RETREG1: variants seen among roughly 807,000 people sequenced by gnomAD.
RETREG1 encodes the protein reticulophagy regulator 1.
Under a neutral mutation model 54.8 loss-of-function variants are expected in RETREG1, and 44 were observed. That is an observed-to-expected ratio of 0.80 (90% CI 0.63 to 1.03). RETREG1 has a LOEUF of 1.03. Ranked by LOEUF, RETREG1 falls within the 50% of genes least tolerant of loss-of-function variation. The pLI, the probability that RETREG1 is intolerant of heterozygous loss-of-function variation, is 0.00. For missense variants in RETREG1, 554 were observed against 605.1 expected, an observed-to-expected ratio of 0.92 and a Z score of 0.89; for synonymous variants, 217 against 238.5, an observed-to-expected ratio of 0.91 and a Z score of 0.83.
At chr5:16,570,719 A>C (rs886982238) in intron 2 of RETREG1, among the ~76,000 whole-genome samples, 5 of 152,194 alleles carry the variant, frequency 3.3e-5, no homozygotes, top group Non-Finnish European at 7.3e-5. Context: ...CTCTGGCATG[A>C]AACCCTGATG....
intron 1 of RETREG1, 60 bp downstream of exon 1, chr5:16,616,592 C>A: frequency 6.5e-7 from 1 of 1,537,822 alleles, no homozygotes; most frequent in South Asian, 1.2e-5. Flanking sequence ...GTCCCCGGGG[C>A]CCCGGGCGCC....
chr5:16,612,110 C>T (rs1486633676), intron 1 of RETREG1, among the ~76,000 whole-genome samples: 10 of 151,462 alleles, frequency 6.6e-5, no homozygotes, highest in African/African-American at 2.4e-4. Context: ...TAAATAACAC[C>T]ATTTATACAA....
chr5:16,582,046 A>G (rs1376839166), intron 1 of RETREG1, among the ~76,000 whole-genome samples: 2 of 152,260 alleles, frequency 1.3e-5, no homozygotes, highest in African/African-American at 2.4e-5. Flanking sequence ...CAAACATTAT[A>G]TATGACCATT....
chr5:16,545,685 C>T (rs969177830), intron 3 of RETREG1, among the ~76,000 whole-genome samples: 5 of 152,150 alleles, frequency 3.3e-5, no homozygotes, highest in Admixed American at 2.6e-4. Context: ...CTTTAAGTTG[C>T]TTCTGTTCCT....
chr5:16,586,443 A>C (rs2126332390), intron 1 of RETREG1, among the ~76,000 whole-genome samples: 1 of 152,256 alleles, frequency 6.6e-6, no homozygotes, highest in East Asian at 1.9e-4. Context: ...AAACTGCCTC[A>C]TCATCATCAG....
intron 1 of RETREG1, among the ~76,000 whole-genome samples, chr5:16,583,638 A>G (rs937177685): frequency 2.0e-5 from 3 of 152,208 alleles, no homozygotes; most frequent in Admixed American, 6.5e-5. Flanking sequence ...AATTTCCTAT[A>G]AAGCAAAGAA....
intron 1 of RETREG1, among the ~76,000 whole-genome samples, chr5:16,582,353 T>C (rs1742511567): frequency 6.6e-6 from 1 of 152,202 alleles, no homozygotes; most frequent in Admixed American, 6.5e-5. Context: ...TCGATAAATG[T>C]GTCTATTTGC....
At chr5:16,555,759 C>T (rs1375273054) in intron 3 of RETREG1, among the ~76,000 whole-genome samples, 1 of 151,974 alleles carries the variant, frequency 6.6e-6, no homozygotes, top group Non-Finnish European at 1.5e-5. Flanking sequence ...AATATGACTA[C>T]AAGTAACAAT....
At chr5:16,528,272 A>G (rs1051806296) in intron 3 of RETREG1, among the ~76,000 whole-genome samples, 3 of 152,220 alleles carry the variant, frequency 2.0e-5, no homozygotes, top group Non-Finnish European at 4.4e-5. Context: ...TGTAAATAAG[A>G]TGTGATTTTT....
chr5:16,502,238 G>A (rs1026378140), intron 3 of RETREG1, among the ~76,000 whole-genome samples: 39 of 151,688 alleles, frequency 2.6e-4, no homozygotes, highest in African/African-American at 9.4e-4. Flanking sequence ...GATTACAGGC[G>A]TGAGCCACCA....
At chr5:16,563,745 T>TA (rs1741934792) in intron 3 of RETREG1, among the ~76,000 whole-genome samples, 1 of 152,218 alleles carries the variant, frequency 6.6e-6, no homozygotes, top group South Asian at 2.1e-4. Context: ...AAATTGTTTT[T>TA]ATTGAAAAGT....
intron 1 of RETREG1, among the ~76,000 whole-genome samples, chr5:16,613,517 G>C (rs1050903287): frequency 2.0e-5 from 3 of 152,130 alleles, no homozygotes; most frequent in African/African-American, 2.4e-5. Context: ...ATTGGTTACG[G>C]CTGTGTCACA....
chr5:16,580,728 C>T (rs979742402), intron 1 of RETREG1, among the ~76,000 whole-genome samples: 4 of 152,260 alleles, frequency 2.6e-5, no homozygotes, highest in Middle Eastern at 3.4e-3. Flanking sequence ...GAGGGCAGGG[C>T]GATCGAGTAC....
At chr5:16,584,932 CAATTT>C (rs946056064) in intron 1 of RETREG1, among the ~76,000 whole-genome samples, 3 of 151,608 alleles carry the variant, frequency 2.0e-5, no homozygotes, top group African/African-American at 4.8e-5. Context: ...AAAGCAATAA[CAATTT>C]AATTGCAAAT....
chr5:16,510,736 G>C (rs1462410117), intron 3 of RETREG1, among the ~76,000 whole-genome samples: 1 of 145,250 alleles, frequency 6.9e-6, no homozygotes, highest in Non-Finnish European at 1.5e-5. Flanking sequence ...GTTGCTGTAA[G>C]CCTAGATTGC....
rs540282792 is a variant in RETREG1 at position 16,555,218 on chromosome 5, C to G, written c.458+10545G>C. Among the ~76,000 whole-genome samples, 71 of 152,292 alleles carry G rather than the reference C, an allele frequency of 4.7e-4. 1 individual carries two copies. In the South Asian group the frequency reaches 0.015, roughly 32 times the overall value. On this transcript the variant is annotated intron_variant, in intron 3 of 8. Coordinates refer to ENST00000306320, the MANE Select transcript of RETREG1 (RefSeq NM_001034850.3). ...CCAGGCTGGGGTGCAGTGGCGCAAT[C>G]TGGGCTCACTGCAACCTCCATCTCC... is the stretch of plus-strand genomic sequence containing the variant.
Position 16,615,435 on chromosome 5 carries a change from A to G in RETREG1, c.320+1217T>C, listed in dbSNP as rs944161618. Among the ~76,000 whole-genome samples the G allele has an allele frequency of 2.6e-5, 4 of 152,040 alleles. 1 individual carries two copies. The highest frequency in any genetic ancestry group is 7.2e-5 in the African/African-American group (3 of 41,506). Reference sequence around the variant, plus strand: ...AAAAAAGAAAGAAAGAAAGAAAAGAAAAAGAAATAAAATGTTAAAAACATC... The same window carrying G: ...AAAAAAGAAAGAAAGAAAGAAAAGAGAAAGAAATAAAATGTTAAAAACATC... On this transcript the variant is annotated intron_variant, in intron 1 of 8. Transcript: ENST00000306320.
chr5:16,533,701 G>A (rs1329545809), intron 3 of RETREG1, among the ~76,000 whole-genome samples: 1 of 152,090 alleles, frequency 6.6e-6, no homozygotes, highest in South Asian at 2.1e-4. Flanking sequence ...AAGCAGAAAA[G>A]GAATTCACAA....
At chr5:16,495,629 A>C (rs979565406) in intron 3 of RETREG1, among the ~76,000 whole-genome samples, 12 of 151,982 alleles carry the variant, frequency 7.9e-5, no homozygotes, top group Non-Finnish European at 1.6e-4. Context: ...TGTTAACCCC[A>C]CCCCTACTAA....
Sources: allele counts gnomAD v4.1 joint callset (sites outside exome capture counted in the v4.1 genomes callset), GRCh38; gene constraint gnomAD v4.1.1; transcripts MANE v1.5; gene names NCBI Gene and HGNC (gene_info 2026-07-23, HGNC 2026-07-21).